FSTL4: variants seen among roughly 807,000 people sequenced by gnomAD.
FSTL4 encodes follistatin-related protein 4.
FSTL4 carries 28 observed loss-of-function variants against 78.2 expected under a neutral mutation model. That is an observed-to-expected ratio of 0.36 (90% confidence interval 0.27 to 0.49). The LOEUF (loss-of-function observed/expected upper bound fraction) is 0.49. Among genes scored for constraint, FSTL4 ranks in the 20% least tolerant of loss-of-function variants. The pLI is 0.98. For missense variants in FSTL4, 922 were observed against 1,084.9 expected, an observed-to-expected ratio of 0.85 and a Z score of 2.11; for synonymous variants, 422 against 440.5, an observed-to-expected ratio of 0.96 and a Z score of 0.53.
the FSTL4 span, among the ~76,000 whole-genome samples, chr5:133,643,645 A>C: frequency 6.6e-6 from 1 of 152,208 alleles, no homozygotes; most frequent in Non-Finnish European, 1.5e-5. Flanking sequence ...CATCCACCCC[A>C]GACAGATGCT....
chr5:133,461,892 A>G (rs961707144), intron 3 of FSTL4, among the ~76,000 whole-genome samples: 2 of 152,232 alleles, frequency 1.3e-5, no homozygotes, highest in African/African-American at 4.8e-5. Flanking sequence ...ACACATTCTC[A>G]CAACCACACC....
the FSTL4 span, among the ~76,000 whole-genome samples, chr5:133,820,042 C>G: frequency 5.3e-5 from 8 of 152,216 alleles, no homozygotes; most frequent in Admixed American, 5.2e-4. Flanking sequence ...CTTGGGTCTT[C>G]TTGCTCCAAA....
At chr5:133,397,423 T>C (rs576632671) in intron 4 of FSTL4, among the ~76,000 whole-genome samples, 1 of 152,366 alleles carries the variant, frequency 6.6e-6, no homozygotes, top group East Asian at 1.9e-4. Flanking sequence ...CTGTAAACTC[T>C]AGCTGCAGCA....
At chr5:133,783,931 T>A in the FSTL4 span, among the ~76,000 whole-genome samples, 4 of 125,220 alleles carry the variant, frequency 3.2e-5, no homozygotes, top group African/African-American at 1.3e-4. Flanking sequence ...CAGGCAGGAG[T>A]TAGAATTCCT....
the FSTL4 span, among the ~76,000 whole-genome samples, chr5:133,731,153 T>A: frequency 6.6e-6 from 1 of 152,188 alleles, no homozygotes; most frequent in South Asian, 2.1e-4. Context: ...TCTTGCCTGA[T>A]ATCGGGGCCG....
chr5:133,602,239 G>C (rs1760885367), intron 2 of FSTL4, among the ~76,000 whole-genome samples: 1 of 152,120 alleles, frequency 6.6e-6, no homozygotes, highest in Non-Finnish European at 1.5e-5. Context: ...GAAGACAAAA[G>C]CTACCCTGGA....
chr5:133,821,509 C>T, the FSTL4 span, among the ~76,000 whole-genome samples: 1 of 152,182 alleles, frequency 6.6e-6, no homozygotes, highest in South Asian at 2.1e-4. Flanking sequence ...CCAGAATAAT[C>T]CTGATTGGGA....
chr5:133,798,970 AAGGGAGGG>A, the FSTL4 span, among the ~76,000 whole-genome samples: 1 of 61,920 alleles, frequency 1.6e-5, no homozygotes, highest in Non-Finnish European at 2.9e-5. Context: ...GGGAGGGAGG[AAGGGAGGG>A]AGGGAGGGAG....
intron 3 of FSTL4, among the ~76,000 whole-genome samples, chr5:133,524,425 T>A (rs10061315): frequency 0.43 from 64,653 of 151,970 alleles, 14,492 homozygotes; most frequent in East Asian, 0.51. Context: ...CCTCTGGCAA[T>A]GCAAGAAGAA....
At chr5:133,591,337 C>G (rs1234947952) in intron 2 of FSTL4, among the ~76,000 whole-genome samples, 2 of 152,180 alleles carry the variant, frequency 1.3e-5, no homozygotes, top group East Asian at 1.9e-4. Context: ...CAAGGCAGGC[C>G]TTACTGCCAG....
chr5:133,602,055 C>T (rs1760881917), intron 2 of FSTL4, among the ~76,000 whole-genome samples: 1 of 152,040 alleles, frequency 6.6e-6, no homozygotes, highest in Non-Finnish European at 1.5e-5. Flanking sequence ...CCATTATTAT[C>T]ATCTCATTTA....
At chr5:133,400,663 C>G (rs1756199394) in intron 4 of FSTL4, 75 bp downstream of exon 4, 1 of 1,332,126 alleles carries the variant, frequency 7.5e-7, no homozygotes, top group South Asian at 1.2e-5. Flanking sequence ...ACTCAGCACC[C>G]AGGTCACTTG....
chr5:133,268,089 C>G (rs935534445), intron 6 of FSTL4, among the ~76,000 whole-genome samples: 1 of 152,190 alleles, frequency 6.6e-6, no homozygotes, highest in South Asian at 2.1e-4. Flanking sequence ...AAAAATCCAG[C>G]TGGTCACAAC....
At chr5:133,635,832 T>C in the FSTL4 span, among the ~76,000 whole-genome samples, 6 of 151,492 alleles carry the variant, frequency 4.0e-5, no homozygotes, top group Admixed American at 6.6e-5. Context: ...AAACAAAGAG[T>C]GAAAATATCA....
chr5:133,793,855 T>C, the FSTL4 span, among the ~76,000 whole-genome samples: 13,145 of 152,282 alleles, frequency 0.086, 646 homozygotes, highest in East Asian at 0.18. Flanking sequence ...TATTCAGGTT[T>C]TAACTTAGAG....
At position 133,272,878 on chromosome 5, in the gene FSTL4, T is replaced by C. The variant is rs571807899; in HGVS notation, c.728-23302A>G. 1.8e-4 allele frequency among the ~76,000 whole-genome samples: 28 copies of C among 152,378 alleles called. No individual in the cohort carries two copies. The South Asian group carries it at 5.8e-3, about 32-fold the overall frequency. On this transcript the variant is annotated intron_variant, in intron 6 of 15. Coordinates refer to ENST00000265342, the MANE Select transcript of FSTL4 (RefSeq NM_015082.2). ...AACTTGGGCCATCTGTTAGGACTTG[T>C]AATTCTCAGGTGGCCCCTGAAACCC... is the stretch of plus-strand genomic sequence containing the variant.
chr5:133,223,101 G>A (rs1751203871), intron 11 of FSTL4, among the ~76,000 whole-genome samples: 3 of 152,168 alleles, frequency 2.0e-5, no homozygotes, highest in South Asian at 4.1e-4. Flanking sequence ...ACCCTTTGTA[G>A]TAACCTCCCC....
chr5:133,525,224 C>G (rs991743054), intron 3 of FSTL4, among the ~76,000 whole-genome samples: 4 of 152,212 alleles, frequency 2.6e-5, no homozygotes, highest in African/African-American at 9.6e-5. Context: ...GCTTATCACG[C>G]ACATTCCACC....
chr5:133,809,609 GAA>G, the FSTL4 span, among the ~76,000 whole-genome samples: 3 of 136,986 alleles, frequency 2.2e-5, no homozygotes, highest in East Asian at 2.1e-4. Context: ...ACCAAAAATG[GAA>G]AAAAAAAAAA....
Sources: gnomAD v4.1 joint callset for allele counts (sites outside exome capture counted in the v4.1 genomes callset) on GRCh38, gnomAD v4.1.1 for gene constraint, MANE v1.5 for transcripts, NCBI Gene and HGNC (gene_info 2026-07-23, HGNC 2026-07-21) for gene names.